AGO3: variants seen among roughly 807,000 people sequenced by gnomAD.
The protein encoded by AGO3 is argonaute RISC catalytic component 3.
A neutral mutation model predicts 105.5 loss-of-function variants in AGO3; 16 were observed. That is an observed-to-expected ratio of 0.15 (90% confidence interval 0.10 to 0.23). The LOEUF is 0.23. Among genes scored for constraint, AGO3 ranks in the 10% least tolerant of loss-of-function variants. The pLI is 1.00. For missense variants in AGO3, 534 were observed against 1,088.0 expected, an observed-to-expected ratio of 0.49 and a Z score of 7.16; for synonymous variants, 340 against 367.3, an observed-to-expected ratio of 0.93 and a Z score of 0.85.
intron 1 of AGO3, among the ~76,000 whole-genome samples, chr1:35,938,746 C>T (rs1646199473): frequency 6.6e-6 from 1 of 152,138 alleles, no homozygotes; most frequent in Non-Finnish European, 1.5e-5. Flanking sequence ...ATTATTGAAA[C>T]AGTATTCCAT....
chr1:36,042,568 G>A lies in AGO3; in HGVS notation c.2173-879G>A, dbSNP rs1457040109. Reference sequence around the variant, plus strand: ...GTACTACCTTATAACAGTCACTCACGTGGCAAAAATATTATCTGAGTCAGT... The same window carrying A: ...GTACTACCTTATAACAGTCACTCACATGGCAAAAATATTATCTGAGTCAGT... On this transcript the variant is annotated intron_variant, in intron 16 of 18. Coordinates refer to ENST00000373191, the MANE Select transcript of AGO3 (RefSeq NM_024852.4). 3.9e-5 allele frequency among the ~76,000 whole-genome samples: 6 copies of A among 152,140 alleles called. No individual in the cohort carries two copies. The East Asian group carries it at 9.6e-4, about 24-fold the overall frequency.
intron 1 of AGO3, among the ~76,000 whole-genome samples, chr1:35,943,636 C>T (rs1167928445): frequency 2.8e-5 from 4 of 142,272 alleles, no homozygotes; most frequent in East Asian, 2.1e-4. Flanking sequence ...AAGGGTCTCG[C>T]GCTATCACCC....
intron 8 of AGO3, 90 bp downstream of exon 8, chr1:36,009,134 T>G (rs1345552088): frequency 2.2e-6 from 3 of 1,351,468 alleles, no homozygotes; most frequent in Non-Finnish European, 2.8e-6. Flanking sequence ...TACAGAACAT[T>G]TATTTTGGAA....
chr1:35,957,619 G>C (rs539034543), intron 2 of AGO3, among the ~76,000 whole-genome samples: 2 of 151,646 alleles, frequency 1.3e-5, no homozygotes, highest in African/African-American at 2.4e-5. Context: ...CCAGCTACTC[G>C]GGAGGCTGAG....
In AGO3 at chr1:36,008,878, T is replaced by G; in HGVS notation, c.882-19T>G. ...TCATAATGGGCAAGAATTGTTCATG[T>G]GTACTTTTTTTTCCTCAGCTTTCCT... On this transcript the variant is annotated intron_variant, in intron 7 of 18. Transcript: ENST00000373191. The surrounding 1 kb of genome is among the most constrained non-coding windows in gnomAD (Gnocchi z 5.1). 1 of 1,614,006 alleles carries G rather than the reference T, an allele frequency of 6.2e-7. No homozygotes were observed. Among genetic ancestry groups the G allele is most frequent in the Non-Finnish European group, 8.5e-7 (1 of 1,180,008 alleles).
intron 16 of AGO3, chr1:36,043,243 G>A (rs187350160): frequency 1.6e-3 from 889 of 549,692 alleles, no homozygotes; most frequent in Non-Finnish European, 2.6e-3. Context: ...AGGTTTTGTT[G>A]TGTATCAGCG....
chr1:36,039,985 G>T lies in AGO3; in HGVS notation c.2037+1G>T. 1 of 1,609,392 alleles carries T rather than the reference G, an allele frequency of 6.2e-7. No homozygotes were observed. Among genetic ancestry groups the T allele is most frequent in the Non-Finnish European group, 8.5e-7 (1 of 1,177,420 alleles). On this transcript the variant is annotated splice_donor_variant, in intron 15 of 18. Transcript: ENST00000373191. LOFTEE classifies it high-confidence loss of function. ...TGTTTCAGAGGGGCAGTTTAGGCAG[G>T]TTGGTTACCTAGAATCTCATCAGAC... is the stretch of plus-strand genomic sequence containing the variant.
intron 5 of AGO3, among the ~76,000 whole-genome samples, chr1:35,976,711 T>C (rs1646962658): frequency 6.6e-6 from 1 of 152,294 alleles, no homozygotes; most frequent in Admixed American, 6.5e-5. Context: ...ATTTCTCTTA[T>C]TTTTAACAAA....
rs1194764715 is a variant in AGO3, at chr1:35,965,444, C to T, written c.192-1511C>T. Among the ~76,000 whole-genome samples the T allele has an allele frequency of 3.5e-5, 5 of 143,256 alleles. No homozygotes were observed. In the South Asian group the frequency reaches 8.8e-4, roughly 25 times the overall value. The allele number at this position is 143,256 out of a possible 152,430, so 94.0% of individuals were successfully genotyped here. On this transcript the variant is annotated intron_variant, in intron 2 of 18. Transcript: ENST00000373191. ...GGCGGAGGTAGCAGTGAGCCGAGATCGCACCACTGCACTCCATCCTGCGTG... is the reference window on the plus strand; with the variant it reads ...GGCGGAGGTAGCAGTGAGCCGAGATTGCACCACTGCACTCCATCCTGCGTG...
chr1:35,968,823 C>T (rs894396562), intron 3 of AGO3, among the ~76,000 whole-genome samples: 4 of 152,136 alleles, frequency 2.6e-5, no homozygotes, highest in African/African-American at 9.6e-5. Flanking sequence ...TCCAGAATGG[C>T]TCCATCATTT....
rs3073806 is a variant in AGO3, at chr1:36,046,623, TAAAAAAAAAAAAAAAA to T, written c.2274+3092_2274+3107del. ...AACAGAGTGAGACTCAGTCTCTATT[TAAAAAAAAAAAAAAAA>T]AAAAAAAAAAAAAAAAGAGGTCATA... On this transcript the variant is annotated intron_variant, in intron 17 of 18. Coordinates refer to ENST00000373191, the MANE Select transcript of AGO3 (RefSeq NM_024852.4). Among the ~76,000 whole-genome samples the T allele has an allele frequency of 1.7e-3, 57 of 34,470 alleles. 2 individuals carry two copies. Among genetic ancestry groups the T allele is most frequent in the Admixed American group, 4.3e-3 (8 of 1,874 alleles). 22.6% of individuals were successfully genotyped at this position (34,470 alleles called of 152,430 possible). A position where few individuals can be genotyped will look rare whatever the true frequency, so the allele number is the denominator to read the frequency against.
chr1:36,018,793 C>G (rs1641056945), intron 11 of AGO3, among the ~76,000 whole-genome samples: 2 of 152,024 alleles, frequency 1.3e-5, no homozygotes, highest in Non-Finnish European at 2.9e-5. Context: ...CACAAGAGAC[C>G]CCTTTTTCAG....
chr1:36,000,859 T>C (rs2148805300), intron 5 of AGO3, among the ~76,000 whole-genome samples: 2 of 152,120 alleles, frequency 1.3e-5, no homozygotes, highest in East Asian at 3.9e-4. Context: ...TTTTTTTTAA[T>C]TAGTTAGAAA....
intron 11 of AGO3, among the ~76,000 whole-genome samples, chr1:36,018,648 G>A (rs1031241339): frequency 4.6e-5 from 7 of 151,974 alleles, no homozygotes; most frequent in African/African-American, 1.2e-4. Flanking sequence ...GGCCAGGATG[G>A]TCTCGATCTC....
In AGO3 at chr1:36,027,326, C is replaced by T. The variant is rs1557696777; in HGVS notation, c.1591+28C>T. On this transcript the variant is annotated intron_variant, in intron 12 of 18. Transcript: ENST00000373191. The surrounding 1 kb of genome is among the most constrained non-coding windows in gnomAD (Gnocchi z 4.0). Reference sequence around the variant, plus strand: ...AAGGATATCTTAAGACTGCATTTTTCCTCAAGTACTTGATGTCCTTTTAGG... The same window carrying T: ...AAGGATATCTTAAGACTGCATTTTTTCTCAAGTACTTGATGTCCTTTTAGG... The T allele has an allele frequency of 1.3e-6, 2 of 1,556,838 alleles. No individual in the cohort carries two copies. The highest frequency in any genetic ancestry group is 8.7e-7 in the Non-Finnish European group (1 of 1,147,830).
At chr1:35,936,065 T>C (rs769133184) in intron 1 of AGO3, among the ~76,000 whole-genome samples, 16 of 152,242 alleles carry the variant, frequency 1.1e-4, no homozygotes, top group African/African-American at 1.4e-4. Context: ...TTCAGTTGTC[T>C]TGGATACTGA....
intron 17 of AGO3, among the ~76,000 whole-genome samples, chr1:36,050,814 A>T: frequency 6.7e-6 from 1 of 149,126 alleles, no homozygotes; most frequent in African/African-American, 2.5e-5. Context: ...AAAAAAAGAT[A>T]CTTGATTTGA....
intron 5 of AGO3, among the ~76,000 whole-genome samples, chr1:35,990,086 A>G (rs190793798): frequency 2.8e-4 from 43 of 152,310 alleles, no homozygotes; most frequent in Admixed American, 5.2e-4. Context: ...CACATAGTTT[A>G]TATTTAAAGC....
chr1:35,947,556 T>G (rs577590855), intron 2 of AGO3, among the ~76,000 whole-genome samples: 2 of 152,310 alleles, frequency 1.3e-5, no homozygotes, highest in Admixed American at 6.5e-5. Flanking sequence ...AGCTCAGTGA[T>G]TGGCACATAA....
Sources: gnomAD v4.1 joint callset for allele counts (sites outside exome capture counted in the v4.1 genomes callset) on GRCh38, gnomAD v4.1.1 for gene constraint, Gnocchi (gnomAD v3.1) non-coding constraint, MANE v1.5 for transcripts, NCBI Gene and HGNC (gene_info 2026-07-23, HGNC 2026-07-21) for gene names.